MYT1L: variants seen among roughly 807,000 people sequenced by gnomAD.
MYT1L encodes myelin transcription factor 1-like protein.
A neutral mutation model predicts 126.7 loss-of-function variants in MYT1L; 12 were observed. The observed-to-expected ratio is 0.09, with a 90% CI of 0.06 to 0.15. MYT1L has a LOEUF of 0.15. Ranked by LOEUF, MYT1L falls within the 10% of genes least tolerant of loss-of-function variation. The pLI, the probability that MYT1L is intolerant of heterozygous loss-of-function variation, is 1.00. For missense variants in MYT1L, 979 were observed against 1,585.2 expected, an observed-to-expected ratio of 0.62 and a Z score of 6.49; for synonymous variants, 541 against 604.2, an observed-to-expected ratio of 0.90 and a Z score of 1.53.
rs544383762 is a variant in MYT1L at position 1,979,742 on chromosome 2, C to T, written c.36G>A (p.Thr12=). 46 of 1,613,992 alleles carry T rather than the reference C, an allele frequency of 2.9e-5. No homozygotes were observed. The highest frequency in any genetic ancestry group is 4.0e-5 in the African/African-American group (3 of 75,062). The change falls in exon 6 of 25, where the codon ACG becomes ACA. Residue 12 remains threonine (T), a synonymous_variant. Transcript: ENST00000647738. This position sits in a 1 kb window ranked among gnomAD's most constrained non-coding sequence, Gnocchi z 4.0. ...EVDTEEKRHR[T]RSKGVRVPVE... ...ACATACCTCGAACCCCTTTGGACCG[C>T]GTGCGATGCCGCTTCTCCTCGGTGT...
intron 4 of MYT1L, among the ~76,000 whole-genome samples, chr2:2,019,970 G>A (rs1021447947): frequency 3.3e-5 from 5 of 151,948 alleles, no homozygotes; most frequent in African/African-American, 7.3e-5. Context: ...TCAGCCTCCC[G>A]AGTAGGTGAA....
intron 4 of MYT1L, among the ~76,000 whole-genome samples, chr2:2,007,082 T>C (rs1024096883): frequency 2.6e-5 from 4 of 152,046 alleles, no homozygotes; most frequent in African/African-American, 9.7e-5. Flanking sequence ...ATTTTTGCCA[T>C]CCATTTGTCC....
chr2:1,933,646 G>A (rs1315515897), intron 9 of MYT1L, among the ~76,000 whole-genome samples: 3 of 152,142 alleles, frequency 2.0e-5, no homozygotes, highest in Non-Finnish European at 4.4e-5. Flanking sequence ...GTGTGTGCAT[G>A]TTTAGATGGG....
At chr2:2,300,127 C>A (rs115357073) in intron 1 of MYT1L, among the ~76,000 whole-genome samples, 2,759 of 152,278 alleles carry the variant, frequency 0.018, 40 homozygotes, top group Non-Finnish European at 0.03. Flanking sequence ...GAAAATGTGT[C>A]TTCTTTGTGC....
At chr2:2,217,086 C>A (rs1046064213) in intron 2 of MYT1L, among the ~76,000 whole-genome samples, 2 of 152,130 alleles carry the variant, frequency 1.3e-5, no homozygotes, top group African/African-American at 4.8e-5. Flanking sequence ...GTATGAATTG[C>A]ATCAAACATT....
chr2:2,044,000 A>C (rs1306752025), intron 4 of MYT1L, among the ~76,000 whole-genome samples: 1 of 152,218 alleles, frequency 6.6e-6, no homozygotes. Flanking sequence ...AAAATGAGTA[A>C]GGAGAGAGTT....
Position 1,931,947 on chromosome 2 carries a change from C to G in MYT1L, c.506-8684G>C, listed in dbSNP as rs1307939458. ...GGAACCCAGGAAGGCACCTGTCCCC[C>G]CTTCACACATACGTGAGGATGCCCC... On this transcript the variant is annotated intron_variant, in intron 9 of 24. Transcript: ENST00000647738. 2.0e-5 allele frequency among the ~76,000 whole-genome samples: 3 copies of G among 152,190 alleles called. No homozygotes were observed. In the East Asian group the frequency reaches 5.8e-4, roughly 29 times the overall value.
intron 21 of MYT1L, among the ~76,000 whole-genome samples, chr2:1,818,488 A>C (rs556035981): frequency 1.8e-4 from 28 of 152,340 alleles, no homozygotes; most frequent in Non-Finnish European, 3.2e-4. Flanking sequence ...AATTTATATG[A>C]GACACAATAC....
At chr2:2,013,439 C>G (rs2064038244) in intron 4 of MYT1L, among the ~76,000 whole-genome samples, 1 of 152,216 alleles carries the variant, frequency 6.6e-6, no homozygotes, top group African/African-American at 2.4e-5. Flanking sequence ...ACCTGGTGAG[C>G]CAGGACCTGA....
intron 2 of MYT1L, among the ~76,000 whole-genome samples, chr2:2,205,293 A>G (rs925168138): frequency 2.0e-5 from 3 of 152,142 alleles, no homozygotes; most frequent in Admixed American, 6.5e-5. Context: ...ACTATAATAT[A>G]CAAAAAAAGA....
intron 9 of MYT1L, among the ~76,000 whole-genome samples, chr2:1,934,038 G>A (rs748791382): frequency 4.1e-5 from 6 of 145,714 alleles, no homozygotes; most frequent in South Asian, 2.2e-4. Flanking sequence ...GCAGTGGTGC[G>A]ATCTCGGCTC....
chr2:1,892,314 C>T (rs1254622655), intron 14 of MYT1L, 27 bp from the exon 15 acceptor site: 1 of 1,542,070 alleles, frequency 6.5e-7, no homozygotes, highest in Non-Finnish European at 8.8e-7. Context: ...AGGGATGACT[C>T]AGGCCCCGGC....
chr2:1,879,101 C>A (rs1333342213), intron 18 of MYT1L, among the ~76,000 whole-genome samples: 1 of 152,154 alleles, frequency 6.6e-6, no homozygotes, highest in Admixed American at 6.5e-5. Context: ...TGGCTGTGAG[C>A]TTTCCTGCTT....
At chr2:2,082,186 T>C (rs865952505) in intron 3 of MYT1L, among the ~76,000 whole-genome samples, 1 of 152,186 alleles carries the variant, frequency 6.6e-6, no homozygotes. Flanking sequence ...GTGTATAGCA[T>C]AAGACAGCAT....
intron 1 of MYT1L, among the ~76,000 whole-genome samples, chr2:2,309,002 T>G (rs1323319003): frequency 6.6e-6 from 1 of 151,950 alleles, no homozygotes; most frequent in Non-Finnish European, 1.5e-5. Context: ...TACACTTCAG[T>G]ACACTCTACC....
At chr2:2,079,067 C>G (rs2075532636) in intron 3 of MYT1L, among the ~76,000 whole-genome samples, 1 of 152,206 alleles carries the variant, frequency 6.6e-6, no homozygotes, top group Non-Finnish European at 1.5e-5. Flanking sequence ...GCCTTCACCA[C>G]ACACCCAATA....
chr2:2,262,327 T>C (rs2094989684), intron 2 of MYT1L, among the ~76,000 whole-genome samples: 1 of 152,150 alleles, frequency 6.6e-6, no homozygotes, highest in African/African-American at 2.4e-5. Context: ...TAATTATGAT[T>C]CCTTCCAGCC....
intron 5 of MYT1L, among the ~76,000 whole-genome samples, chr2:1,996,059 G>C (rs1182045469): frequency 6.6e-6 from 1 of 152,238 alleles, no homozygotes; most frequent in Non-Finnish European, 1.5e-5. Context: ...AGTGGAAGAG[G>C]GAAGGGCCGG....
At chr2:2,155,582 G>A (rs560591019) in intron 3 of MYT1L, among the ~76,000 whole-genome samples, 120 of 152,118 alleles carry the variant, frequency 7.9e-4, no homozygotes, top group African/African-American at 2.8e-3. Context: ...TTTGAACCCA[G>A]GTCTTGCTAA....
Sources: gnomAD v4.1 joint callset for allele counts (sites outside exome capture counted in the v4.1 genomes callset) on GRCh38, gnomAD v4.1.1 for gene constraint, Gnocchi (gnomAD v3.1) non-coding constraint, MANE v1.5 for transcripts, NCBI Gene and HGNC (gene_info 2026-07-23, HGNC 2026-07-21) for gene names.